KCNQ1: variants seen among roughly 807,000 people sequenced by gnomAD.
The protein encoded by KCNQ1 is potassium voltage-gated channel subfamily KQT member 1.
In KCNQ1, 49 loss-of-function variants were observed where a neutral mutation model predicts 72.4. That is an observed-to-expected ratio of 0.68 (90% confidence interval 0.54 to 0.86). KCNQ1 has a LOEUF of 0.86. KCNQ1 is among the 40% of genes least tolerant of loss of function. KCNQ1 has a pLI of 0.00. For synonymous variants in KCNQ1, 450 were observed against 412.6 expected (o/e 1.09, Z -1.10); for missense variants, 790 against 945.1 (o/e 0.84, Z 2.15).
At chr11:2,628,375 C>G (rs1849294259) in intron 10 of KCNQ1, 1 of 398,348 alleles carries the variant, frequency 2.5e-6, no homozygotes, top group Non-Finnish European at 4.4e-6. Flanking sequence ...ATTTGCATTT[C>G]CCTGATGATA....
intron 15 of KCNQ1, among the ~76,000 whole-genome samples, chr11:2,802,071 C>A (rs1847278715): frequency 6.6e-6 from 1 of 152,220 alleles, no homozygotes; most frequent in Admixed American, 6.5e-5. Flanking sequence ...GCGCGGTGGG[C>A]ACATTCACCC....
Position 2,679,828 on chromosome 11 carries a change from C to T in KCNQ1, c.1514+17747C>T. 2.5e-6 allele frequency: 1 copy of T among 398,602 alleles called. No individual in the cohort carries two copies. The highest frequency in any genetic ancestry group is 3.6e-5 in the East Asian group (1 of 28,084). The allele number at this position is 398,602 out of a possible 1,614,324, so 24.7% of individuals were successfully genotyped here. ...AGCACAAGGGGCCAGACTGCTGCTA[C>T]TTCTGAATTTTATAGGACATGCATT... On this transcript the variant is annotated intron_variant, in intron 11 of 15. Transcript: ENST00000155840. The surrounding 1 kb of genome is among the most constrained non-coding windows in gnomAD (Gnocchi z 4.8).
Position 2,828,079 on chromosome 11 carries a change from C to T in KCNQ1, c.1795-19688C>T, listed in dbSNP as rs1847875261. Among the ~76,000 whole-genome samples the T allele has an allele frequency of 6.6e-6, 1 of 152,210 alleles. No individual in the cohort carries two copies. The highest frequency in any genetic ancestry group is 6.5e-5 in the Admixed American group (1 of 15,294). ...GGCAGGACAAAGGCTGGCAGCACCACACAGGAGCCAGCAGGGAAGGGGCCA... is the reference window on the plus strand; with the variant it reads ...GGCAGGACAAAGGCTGGCAGCACCATACAGGAGCCAGCAGGGAAGGGGCCA... On this transcript the variant is annotated intron_variant, in intron 15 of 15. Transcript: ENST00000155840. The surrounding 1 kb of genome is among the most constrained non-coding windows in gnomAD (Gnocchi z 5.3).
chr11:2,815,442 T>C lies in KCNQ1; in HGVS notation c.1795-32325T>C, dbSNP rs1847595161. Among the ~76,000 whole-genome samples the C allele has an allele frequency of 6.6e-6, 1 of 152,102 alleles. No homozygotes were observed. The highest frequency in any genetic ancestry group is 1.5e-5 in the Non-Finnish European group (1 of 68,004). On this transcript the variant is annotated intron_variant, in intron 15 of 15. Coordinates refer to ENST00000155840, the MANE Select transcript of KCNQ1 (RefSeq NM_000218.3). The surrounding 1 kb of genome is among the most constrained non-coding windows in gnomAD (Gnocchi z 5.4). The stretch of plus-strand genomic sequence containing the variant: ...GTTCTGAGTTCGGGGGACCCTCTCC[T>C]GGCCCTGTGGGGTCGGAGGAGGTCC...
chr11:2,718,333 T>A (rs1851133295), intron 11 of KCNQ1, among the ~76,000 whole-genome samples: 1 of 152,202 alleles, frequency 6.6e-6, no homozygotes, highest in South Asian at 2.1e-4. Flanking sequence ...CCAGACTGGC[T>A]TCCCTGCATC....
chr11:2,747,955 G>A lies in KCNQ1; in HGVS notation c.1515-20889G>A, dbSNP rs539667697. Among the ~76,000 whole-genome samples, 36 of 152,278 alleles carry A rather than the reference G, an allele frequency of 2.4e-4. No homozygotes were observed. In the South Asian group the frequency reaches 2.7e-3, roughly 11 times the overall value. ...CAATCCCTCTGGCGTGAAGCAAGCC[G>A]TCTTGAAAACAGACCAGAACCGGCT... On this transcript the variant is annotated intron_variant, in intron 11 of 15. Transcript: ENST00000155840.
Position 2,647,097 on chromosome 11 carries a change from A to C in KCNQ1, c.1394-14864A>C. ...GAGAGAAGGTGTTTAGCTTTTCCCC[A>C]GGTGGCTGTGGGTTTGTCATATATG... On this transcript the variant is annotated intron_variant, in intron 10 of 15. Coordinates refer to ENST00000155840, the MANE Select transcript of KCNQ1 (RefSeq NM_000218.3). The surrounding 1 kb of genome is among the most constrained non-coding windows in gnomAD (Gnocchi z 4.0). 2.5e-6 allele frequency: 1 copy of C among 398,512 alleles called. No individual in the cohort carries two copies. The highest frequency in any genetic ancestry group is 4.4e-6 in the Non-Finnish European group (1 of 226,038). The allele number at this position is 398,512 out of a possible 1,614,324, so 24.7% of individuals were successfully genotyped here. A position where few individuals can be genotyped will look rare whatever the true frequency, so the allele number is the denominator to read the frequency against.
chr11:2,556,914 C>T (rs950070657), intron 2 of KCNQ1, among the ~76,000 whole-genome samples: 1 of 152,180 alleles, frequency 6.6e-6, no homozygotes, highest in African/African-American at 2.4e-5. Flanking sequence ...AGGGAGAAGT[C>T]AACAGAGTCA....
At chr11:2,686,606 T>C (rs1730288363) in intron 11 of KCNQ1, 1 of 398,538 alleles carries the variant, frequency 2.5e-6, no homozygotes, top group Non-Finnish European at 4.4e-6. Flanking sequence ...ACTAGCACTT[T>C]TCACATGAGC....
In KCNQ1 at chr11:2,661,778, C is replaced by G; in HGVS notation, c.1394-183C>G. On this transcript the variant is annotated intron_variant, in intron 10 of 15. Coordinates refer to ENST00000155840, the MANE Select transcript of KCNQ1 (RefSeq NM_000218.3). This position sits in a 1 kb window ranked among gnomAD's most constrained non-coding sequence, Gnocchi z 5.9. ...TCCTCAGACACTGAGGTGTCAGGCA[C>G]TTTGGGGCCATCTTAAACACCCACC... The G allele has an allele frequency of 1.5e-6, 1 of 687,644 alleles. No individual in the cohort carries two copies. The highest frequency in any genetic ancestry group is 1.7e-5 in the South Asian group (1 of 59,268). The allele number at this position is 687,644 out of a possible 1,614,324, so 42.6% of individuals were successfully genotyped here. A position where few individuals can be genotyped will look rare whatever the true frequency, so the allele number is the denominator to read the frequency against.
rs12720454 is a variant in KCNQ1, at chr11:2,847,898, C to T, written c.1926C>T (p.Cys642=). 223 of 1,579,566 alleles carry T rather than the reference C, an allele frequency of 1.4e-4. No individual in the cohort carries two copies. The highest frequency in any genetic ancestry group is 1.7e-4 in the Middle Eastern group (1 of 6,032). The stretch of plus-strand genomic sequence containing the variant: ...GCGGGGCCCACATCACCCAGCCCTG[C>T]GGCAGTGGCGGCTCCGTCGACCCTG... ...REGGAHITQP[C]GSGGSVDPEL... is the part of the protein sequence containing the mutation. Residue 642 remains cysteine (C), a synonymous_variant, in exon 16 of 16, where the codon TGC becomes TGT. Transcript: ENST00000155840.
At chr11:2,460,090 G>A (rs372477908) in intron 1 of KCNQ1, among the ~76,000 whole-genome samples, 42 of 152,284 alleles carry the variant, frequency 2.8e-4, no homozygotes, top group African/African-American at 9.9e-4. Flanking sequence ...CCCCCAGGGG[G>A]CCCCTCACTC....
chr11:2,840,880 C>A (rs1848195338), intron 15 of KCNQ1, among the ~76,000 whole-genome samples: 1 of 152,110 alleles, frequency 6.6e-6, no homozygotes, highest in African/African-American at 2.4e-5. Flanking sequence ...CCTTGGGGCC[C>A]CGGGAAATTG....
At chr11:2,839,544 GGGGCTATGACGAGGTGA>G (rs1380594975) in intron 15 of KCNQ1, among the ~76,000 whole-genome samples, 1 of 152,178 alleles carries the variant, frequency 6.6e-6, no homozygotes. Context: ...AGACCCCCTG[GGGGCTATGACGAGGTGA>G]GGGCTGAGCC....
chr11:2,770,322 G>A (rs539383952), intron 12 of KCNQ1, among the ~76,000 whole-genome samples: 1 of 152,336 alleles, frequency 6.6e-6, no homozygotes, highest in South Asian at 2.1e-4. Context: ...TGAGGGGAAT[G>A]AGAGCCTAAG....
At chr11:2,521,350 C>T (rs1203973346) in intron 1 of KCNQ1, 6 of 353,304 alleles carry the variant, frequency 1.7e-5, no homozygotes, top group East Asian at 8.0e-5. Context: ...TGGGCCTTTG[C>T]GCTTCTGTGA....
chr11:2,744,332 C>T (rs1052569071), intron 11 of KCNQ1, among the ~76,000 whole-genome samples: 1 of 152,238 alleles, frequency 6.6e-6, no homozygotes, highest in African/African-American at 2.4e-5. Context: ...CTGATGGGCT[C>T]ACTGGCTGCA....
chr11:2,578,878 G>C (rs906402424), intron 6 of KCNQ1, among the ~76,000 whole-genome samples: 2 of 152,240 alleles, frequency 1.3e-5, no homozygotes, highest in Admixed American at 6.5e-5. Flanking sequence ...CCTTGGTCCA[G>C]CTGTCTGCCT....
chr11:2,474,670 C>T (rs1004779039), intron 1 of KCNQ1, among the ~76,000 whole-genome samples: 7 of 47,118 alleles, frequency 1.5e-4, no homozygotes, highest in East Asian at 8.9e-4. Flanking sequence ...CCATGTGGGG[C>T]GGGAGCTTGG....
Sources: allele counts gnomAD v4.1 joint callset (sites outside exome capture counted in the v4.1 genomes callset), GRCh38; gene constraint gnomAD v4.1.1; non-coding constraint Gnocchi (gnomAD v3.1); transcripts MANE v1.5; gene names NCBI Gene and HGNC (gene_info 2026-07-23, HGNC 2026-07-21).